Variants in MYO10 observed in about 807,000 individuals in gnomAD.
MYO10 encodes myosin X.
A neutral mutation model predicts 257.3 loss-of-function variants in MYO10; 133 were observed. The ratio of observed to expected loss-of-function variants is 0.52; its 90% CI spans 0.45 to 0.60. The LOEUF (loss-of-function observed/expected upper bound fraction) is 0.60. Ranked by LOEUF, MYO10 falls within the 20% of genes least tolerant of loss-of-function variation. MYO10 has a pLI of 0.00. For synonymous variants in MYO10, 1,104 were observed against 1,028.6 expected (o/e 1.07, Z -1.40); for missense variants, 2,399 against 2,635.7 (o/e 0.91, Z 1.97).
At chr5:16,889,482 G>A (rs758262855) in intron 1 of MYO10, among the ~76,000 whole-genome samples, 1 of 16,840 alleles carries the variant, frequency 5.9e-5, no homozygotes, top group Non-Finnish European at 1.2e-4. Flanking sequence ...AAAGAAAGAA[G>A]GAAGGAAGGA....
At chr5:16,714,620 C>T (rs1314749655) in intron 19 of MYO10, among the ~76,000 whole-genome samples, 1 of 152,166 alleles carries the variant, frequency 6.6e-6, no homozygotes, top group Non-Finnish European at 1.5e-5. Flanking sequence ...GAGATTGAGA[C>T]CATCCTGGCT....
chr5:16,801,607 AT>A (rs1320742018), intron 3 of MYO10, among the ~76,000 whole-genome samples: 1 of 152,166 alleles, frequency 6.6e-6, no homozygotes, highest in African/African-American at 2.4e-5. Context: ...TGTGATTCAT[AT>A]TCTGAAAAGA....
chr5:16,728,622 A>G (rs546097365), intron 19 of MYO10, among the ~76,000 whole-genome samples: 59 of 152,184 alleles, frequency 3.9e-4, no homozygotes, highest in Non-Finnish European at 7.1e-4. Flanking sequence ...AAGGCTTTCC[A>G]TGAGTCTAAT....
chr5:16,893,261 G>A (rs899354461), intron 1 of MYO10, among the ~76,000 whole-genome samples: 1 of 149,840 alleles, frequency 6.7e-6, no homozygotes, highest in Non-Finnish European at 1.5e-5. Flanking sequence ...CGATAAGGAG[G>A]CTGAAGAGGA....
intron 18 of MYO10, among the ~76,000 whole-genome samples, chr5:16,757,311 C>CACACACACAA (rs1183289725): frequency 3.9e-5 from 3 of 76,624 alleles, no homozygotes; most frequent in African/African-American, 1.3e-4. Flanking sequence ...AACACACACA[C>CACACACACAA]ACACGCACAC....
At chr5:16,762,259 T>C (rs1452634482) in intron 15 of MYO10, 146 bp from the exon 16 acceptor site, 4 of 1,054,100 alleles carry the variant, frequency 3.8e-6, no homozygotes, top group Admixed American at 6.5e-5. Context: ...GGACACGGCA[T>C]ATGGTGCACT....
chr5:16,902,312 G>A (rs1490202797), intron 1 of MYO10: 1 of 847,278 alleles, frequency 1.2e-6, no homozygotes, highest in Non-Finnish European at 2.0e-6. Flanking sequence ...GCTTTGGTAG[G>A]GGACATGGGG....
intron 2 of MYO10, among the ~76,000 whole-genome samples, chr5:16,855,067 T>G (rs1743922916): frequency 6.6e-6 from 1 of 152,060 alleles, no homozygotes; most frequent in South Asian, 2.1e-4. Flanking sequence ...TGCTTTGTAT[T>G]TCAGACCATC....
At chr5:16,680,359 A>C (rs33271) in intron 32 of MYO10, among the ~76,000 whole-genome samples, 2,502 of 152,296 alleles carry the variant, frequency 0.016, 61 homozygotes, top group African/African-American at 0.058. Flanking sequence ...TTAAATATAT[A>C]AAGATAAATG....
At chr5:16,865,519 G>T (rs1744219097) in intron 2 of MYO10, among the ~76,000 whole-genome samples, 1 of 152,166 alleles carries the variant, frequency 6.6e-6, no homozygotes, top group African/African-American at 2.4e-5. Flanking sequence ...AGGTATCCAA[G>T]AGGAAAGCAG....
chr5:16,806,738 T>C (rs1048985664), intron 3 of MYO10, among the ~76,000 whole-genome samples: 3 of 152,080 alleles, frequency 2.0e-5, no homozygotes, highest in Non-Finnish European at 4.4e-5. Flanking sequence ...GGACCCAGGT[T>C]GGATATCACA....
rs960702102 is a variant in MYO10 at position 16,716,834 on chromosome 5, A to AT, written c.1930-5590dup. 4.9e-4 allele frequency among the ~76,000 whole-genome samples: 75 copies of AT among 151,646 alleles called. No individual in the cohort carries two copies. The Middle Eastern group carries it at 0.01, about 21-fold the overall frequency. Reference sequence around the variant, plus strand: ...GCAAAATGACTTGTTCAAACCGGTTATTTTTTTTATTTTTTTGAGATGAAG... The same window carrying AT: ...GCAAAATGACTTGTTCAAACCGGTTATTTTTTTTTATTTTTTTGAGATGAAG... On this transcript the variant is annotated intron_variant, in intron 19 of 40. Coordinates refer to ENST00000513610, the MANE Select transcript of MYO10 (RefSeq NM_012334.3).
intron 9 of MYO10, among the ~76,000 whole-genome samples, chr5:16,777,720 G>GATT (rs1741261105): frequency 6.6e-6 from 1 of 151,796 alleles, no homozygotes; most frequent in Non-Finnish European, 1.5e-5. Context: ...GAGGGTTGAT[G>GATT]AGAGTGATTG....
At chr5:16,749,563 C>G (rs1459373909) in intron 19 of MYO10, among the ~76,000 whole-genome samples, 1 of 151,924 alleles carries the variant, frequency 6.6e-6, no homozygotes, top group Non-Finnish European at 1.5e-5. Flanking sequence ...GAAACCAGTC[C>G]CAGAAACATT....
intron 19 of MYO10, among the ~76,000 whole-genome samples, chr5:16,725,334 T>A (rs1028684621): frequency 6.6e-6 from 1 of 152,004 alleles, no homozygotes; most frequent in Non-Finnish European, 1.5e-5. Flanking sequence ...GACCTTGTGA[T>A]CTGCCTGCCT....
rs1336878168 is a variant in MYO10, at chr5:16,701,806, T to C, written c.2589A>G (p.Glu863=). 6.2e-7 allele frequency: 1 copy of C among 1,608,134 alleles called. No individual in the cohort carries two copies. The highest frequency in any genetic ancestry group is 1.7e-5 in the Admixed American group (1 of 58,484). ...CTTCCTTCTGGCTCTTCTGCAAGGC[T>C]TCGAGTTCTTGCTGCTTCCTCGTTT... ...EEETRKQQEL[E]ALQKSQKEAE... The change falls in exon 25 of 41, where the codon GAA becomes GAG. Residue 863 remains glutamate (E), a synonymous_variant. Transcript: ENST00000513610. The surrounding 1 kb of genome is among the most constrained non-coding windows in gnomAD (Gnocchi z 8.1).
chr5:16,740,885 C>CAA (rs536412973), intron 19 of MYO10, among the ~76,000 whole-genome samples: 1 of 133,488 alleles, frequency 7.5e-6, no homozygotes, highest in South Asian at 2.4e-4. Flanking sequence ...AAATTGATGG[C>CAA]AAAAAAAAAA....
chr5:16,875,787 A>C (rs1031684951), intron 2 of MYO10, among the ~76,000 whole-genome samples: 11 of 152,218 alleles, frequency 7.2e-5, no homozygotes, highest in African/African-American at 2.7e-4. Flanking sequence ...CTGGCCCTGA[A>C]GCTTTTATTC....
chr5:16,700,252 T>C (rs1474721562), intron 25 of MYO10, among the ~76,000 whole-genome samples: 1 of 152,166 alleles, frequency 6.6e-6, no homozygotes, highest in Non-Finnish European at 1.5e-5. Context: ...AGTTCACCCC[T>C]GGCAAGTCTT....
Sources: allele counts gnomAD v4.1 joint callset (sites outside exome capture counted in the v4.1 genomes callset), GRCh38; gene constraint gnomAD v4.1.1; non-coding constraint Gnocchi (gnomAD v3.1); transcripts MANE v1.5; gene names NCBI Gene and HGNC (gene_info 2026-07-23, HGNC 2026-07-21).